Variants in NOS1AP observed in about 807,000 individuals in gnomAD.
NOS1AP encodes the protein carboxyl-terminal PDZ ligand of neuronal nitric oxide synthase protein.
In NOS1AP, 21 loss-of-function variants were observed where a neutral mutation model predicts 56.2. The ratio of observed to expected loss-of-function variants is 0.37; its 90% CI spans 0.26 to 0.54. The LOEUF is 0.54. Ranked by LOEUF, NOS1AP falls within the 20% of genes least tolerant of loss-of-function variation. The pLI, the probability that NOS1AP is intolerant of heterozygous loss-of-function variation, is 0.84. For missense variants in NOS1AP, 522 were observed against 657.8 expected (o/e 0.79, Z 2.26); for synonymous variants, 270 against 274.6 (o/e 0.98, Z 0.17).
At chr1:162,073,680 C>T (rs1462285729) in intron 1 of NOS1AP, among the ~76,000 whole-genome samples, 1 of 152,182 alleles carries the variant, frequency 6.6e-6, no homozygotes, top group African/African-American at 2.4e-5. Flanking sequence ...AGGCTGGCCT[C>T]GAACTCCCGA....
rs574017410 is a variant in NOS1AP at position 162,235,949 on chromosome 1, G to A, written c.178-51395G>A. ...AGACATCATCTGGTTTCATTCATTGGAGATGAGAAACTGAGGCCAGGGGGA... is the reference window on the plus strand; with the variant it reads ...AGACATCATCTGGTTTCATTCATTGAAGATGAGAAACTGAGGCCAGGGGGA... On this transcript the variant is annotated intron_variant, in intron 2 of 9. Transcript: ENST00000361897. Among the ~76,000 whole-genome samples the A allele has an allele frequency of 2.6e-5, 4 of 152,338 alleles. No homozygotes were observed. In the South Asian group the frequency reaches 8.3e-4, roughly 32 times the overall value.
chr1:162,355,953 C>A (rs192148558), intron 7 of NOS1AP, among the ~76,000 whole-genome samples: 137 of 152,290 alleles, frequency 9.0e-4, no homozygotes, highest in Middle Eastern at 3.4e-3. Flanking sequence ...AAATTCCAAC[C>A]TGAAGCCAAA....
intron 6 of NOS1AP, among the ~76,000 whole-genome samples, chr1:162,345,633 T>C (rs546025559): frequency 6.6e-6 from 1 of 152,294 alleles, no homozygotes; most frequent in Non-Finnish European, 1.5e-5. Flanking sequence ...GAAATGCTAG[T>C]CTGCAAATGG....
chr1:162,107,590 T>C (rs1335784495), intron 1 of NOS1AP, among the ~76,000 whole-genome samples: 2 of 152,194 alleles, frequency 1.3e-5, no homozygotes, highest in African/African-American at 4.8e-5. Flanking sequence ...GCATTCCTCC[T>C]GCCTTGGCCT....
intron 3 of NOS1AP, among the ~76,000 whole-genome samples, chr1:162,289,260 C>A (rs1655200914): frequency 1.4e-5 from 1 of 69,178 alleles, no homozygotes; most frequent in South Asian, 5.4e-4. Context: ...TTCCTTCCTT[C>A]CTTCCTTCCT....
intron 8 of NOS1AP, chr1:162,363,676 A>G (rs1657975540): frequency 1.6e-6 from 1 of 611,546 alleles, no homozygotes; most frequent in Non-Finnish European, 2.0e-6. Flanking sequence ...TAAGCATACA[A>G]AAAACACTCT....
At chr1:162,199,606 G>GTGTC (rs1378318312) in intron 2 of NOS1AP, among the ~76,000 whole-genome samples, 5 of 121,076 alleles carry the variant, frequency 4.1e-5, no homozygotes, top group Non-Finnish European at 9.3e-5. Flanking sequence ...GTGTGTGTGT[G>GTGTC]TGTGTGTGTG....
intron 1 of NOS1AP, among the ~76,000 whole-genome samples, chr1:162,074,320 C>T (rs868203444): frequency 6.5e-4 from 99 of 152,314 alleles, no homozygotes; most frequent in Middle Eastern, 3.4e-3. Context: ...GTCCATGGTT[C>T]TTTCACCTCC....
intron 2 of NOS1AP, among the ~76,000 whole-genome samples, chr1:162,155,283 T>TAC (rs1553190397): frequency 2.2e-5 from 3 of 138,878 alleles, no homozygotes; most frequent in African/African-American, 5.4e-5. Flanking sequence ...CATATACACA[T>TAC]ATATACATAT....
At chr1:162,218,406 AC>A (rs1471487000) in intron 2 of NOS1AP, among the ~76,000 whole-genome samples, 1 of 152,072 alleles carries the variant, frequency 6.6e-6, no homozygotes, top group African/African-American at 2.4e-5. Flanking sequence ...GAACTCTCTT[AC>A]CTATTTGAAA....
At chr1:162,128,804 T>C (rs1648612425) in intron 1 of NOS1AP, among the ~76,000 whole-genome samples, 1 of 152,224 alleles carries the variant, frequency 6.6e-6, no homozygotes, top group Non-Finnish European at 1.5e-5. Context: ...CTTTTGTTAC[T>C]TGAAGAAATC....
chr1:162,269,755 G>C (rs1571177774), intron 2 of NOS1AP, among the ~76,000 whole-genome samples: 2 of 151,978 alleles, frequency 1.3e-5, no homozygotes, highest in African/African-American at 4.8e-5. Context: ...CTATACTATA[G>C]ATACCATTTT....
chr1:162,250,503 A>G (rs1228464063), intron 2 of NOS1AP, among the ~76,000 whole-genome samples: 2 of 152,282 alleles, frequency 1.3e-5, no homozygotes, highest in East Asian at 1.9e-4. Context: ...CTGTGGTTAC[A>G]TCTCCATTTA....
chr1:162,168,064 C>T (rs909763525), intron 2 of NOS1AP, among the ~76,000 whole-genome samples: 2 of 151,418 alleles, frequency 1.3e-5, no homozygotes, highest in Non-Finnish European at 1.5e-5. Flanking sequence ...ATATAACAGG[C>T]GCTGTTCTAA....
intron 4 of NOS1AP, among the ~76,000 whole-genome samples, chr1:162,310,576 T>C (rs1298468882): frequency 6.6e-6 from 1 of 152,268 alleles, no homozygotes; most frequent in African/African-American, 2.4e-5. Flanking sequence ...CTTTCATTGA[T>C]AGTTCCTTTT....
intron 2 of NOS1AP, among the ~76,000 whole-genome samples, chr1:162,234,313 G>A (rs187402993): frequency 6.6e-6 from 1 of 152,272 alleles, no homozygotes; most frequent in East Asian, 1.9e-4. Context: ...AAGTCACATT[G>A]GGCTTATATC....
chr1:162,285,463 T>A (rs1161057988), intron 2 of NOS1AP, among the ~76,000 whole-genome samples: 1 of 152,086 alleles, frequency 6.6e-6, no homozygotes, highest in African/African-American at 2.4e-5. Context: ...GCAGTCAGGG[T>A]GACACAATGC....
At chr1:162,205,236 G>A (rs1652120632) in intron 2 of NOS1AP, among the ~76,000 whole-genome samples, 1 of 152,244 alleles carries the variant, frequency 6.6e-6, no homozygotes. Context: ...TCAGGCATGT[G>A]TGAGCCTGAA....
intron 9 of NOS1AP, among the ~76,000 whole-genome samples, chr1:162,365,807 G>A (rs992655082): frequency 5.3e-5 from 8 of 152,054 alleles, no homozygotes; most frequent in Non-Finnish European, 7.4e-5. Flanking sequence ...GAATGTCCCC[G>A]GAGTCACTGC....
Sources: gnomAD v4.1 joint callset for allele counts (sites outside exome capture counted in the v4.1 genomes callset) on GRCh38, gnomAD v4.1.1 for gene constraint, MANE v1.5 for transcripts, NCBI Gene and HGNC (gene_info 2026-07-23, HGNC 2026-07-21) for gene names.